Variants in PRDM4 observed in about 807,000 individuals in gnomAD.
PRDM4 encodes PR/SET domain 4, also known as PR domain zinc finger protein 4.
PRDM4 carries 38 observed loss-of-function variants against 62.3 expected under a neutral mutation model. That is an observed-to-expected ratio of 0.61 (90% CI 0.47 to 0.80). The LOEUF is 0.80. PRDM4 is among the 30% of genes least tolerant of loss of function. The pLI, the probability that PRDM4 is intolerant of heterozygous loss-of-function variation, is 0.00. For missense variants in PRDM4, 858 were observed against 997.1 expected (o/e 0.86, Z 1.88); for synonymous variants, 339 against 348.2 (o/e 0.97, Z 0.30).
chr12:107,745,219 C>T (rs890337569), intron 6 of PRDM4, among the ~76,000 whole-genome samples: 1 of 152,040 alleles, frequency 6.6e-6, no homozygotes, highest in African/African-American at 2.4e-5. Context: ...ATTCCTGAAC[C>T]TAGTTTTATC....
In PRDM4 at chr12:107,737,461, A is replaced by C. The variant is rs187735713; in HGVS notation, c.2093+1922T>G. 2.0e-5 allele frequency among the ~76,000 whole-genome samples: 3 copies of C among 152,300 alleles called. No individual in the cohort carries two copies. The East Asian group carries it at 5.8e-4, about 29-fold the overall frequency. On this transcript the variant is annotated intron_variant, in intron 11 of 11. Coordinates refer to ENST00000228437, the MANE Select transcript of PRDM4 (RefSeq NM_012406.4). The stretch of plus-strand genomic sequence containing the variant: ...TCTTTCTATCCCATGAAAGTTTGGC[A>C]AAGAGGCTTACCATATCTTCTCACC...
chr12:107,760,884 TTAGCCCGCCCGCGGCCCGCAGGC>T (rs1891225558), intron 1 of PRDM4, 50 bp downstream of exon 1: 1 of 148,404 alleles, frequency 6.7e-6, no homozygotes, highest in Non-Finnish European at 1.5e-5. Context: ...GGGCTGTGGA[TTAGCCCGCCCGCGGCCCGCAGGC>T]CGGGCCGCCG....
chr12:107,743,064 G>T, intron 8 of PRDM4, 133 bp downstream of exon 8: 2 of 702,778 alleles, frequency 2.8e-6, no homozygotes, highest in Non-Finnish European at 2.4e-6. Context: ...ACCATGCCTG[G>T]CTGCCTTGGG....
rs769216790 is a variant in PRDM4 at position 107,746,312 on chromosome 12, C to A, written c.1239G>T (p.Gln413His). The change falls in exon 6 of 12, where the codon CAG becomes CAT. Residue 413 changes from glutamine to histidine, a missense_variant. Transcript: ENST00000228437. ...ESRARLSLPKQLVLRQSIVGA... is the reference protein window; with the variant it reads ...ESRARLSLPKHLVLRQSIVGA... ...CCACAATTGACTGACGGAGAACAAG[C>A]TGCTTTGGGAGAGAAAGCCTTGCTC... is the stretch of plus-strand genomic sequence containing the variant. 8.1e-6 allele frequency: 13 copies of A among 1,613,846 alleles called. No homozygotes were observed. The highest frequency in any genetic ancestry group is 1.1e-5 in the Non-Finnish European group (13 of 1,179,998).
rs764525950 is a variant in PRDM4, at chr12:107,760,565, A to G, written c.-50T>C. ...AAGGAGCGCTCGGGTGGTGGGGAAC[A>G]GGCATCAGGGTTTGCGTTCCAGGGT... On this transcript the variant is annotated 5_prime_UTR_variant, in exon 2 of 12. Coordinates refer to ENST00000228437, the MANE Select transcript of PRDM4 (RefSeq NM_012406.4). The G allele has an allele frequency of 4.3e-6, 7 of 1,610,114 alleles. No individual in the cohort carries two copies. Among genetic ancestry groups the G allele is most frequent in the Non-Finnish European group, 5.9e-6 (7 of 1,177,986 alleles).
chr12:107,739,422 C>T lies in PRDM4; in HGVS notation c.2054G>A (p.Arg685Gln), dbSNP rs369987313. The part of the protein sequence containing the change: ...KCDYCDKLFM[R>Q]RQDLKQHVLI... ...CACGTGCTGCTTGAGGTCCTGCCTC[C>T]GCATAAACAACTTGTCACAGTAATC... The change falls in exon 11 of 12, where the codon CGG becomes CAG. Residue 685 changes from arginine (R) to glutamine (Q), a missense_variant. Arg to Gln is a conservative substitution (Grantham distance 43). Coordinates refer to ENST00000228437, the MANE Select transcript of PRDM4 (RefSeq NM_012406.4). 9 of 1,613,714 alleles carry T rather than the reference C, an allele frequency of 5.6e-6. No individual in the cohort carries two copies. The highest frequency in any genetic ancestry group is 5.9e-6 in the Non-Finnish European group (7 of 1,179,804).
chr12:107,754,392 G>A (rs180994978), intron 3 of PRDM4, among the ~76,000 whole-genome samples: 7 of 152,042 alleles, frequency 4.6e-5, no homozygotes, highest in Non-Finnish European at 1.0e-4. Context: ...TTAATTTATC[G>A]ATTGATTTGA....
intron 8 of PRDM4, among the ~76,000 whole-genome samples, chr12:107,742,745 T>C (rs1388305239): frequency 1.3e-5 from 2 of 149,840 alleles, no homozygotes; most frequent in East Asian, 2.0e-4. Context: ...GGTAACTATA[T>C]TGTTCCTTGG....
At chr12:107,756,689 A>G in intron 3 of PRDM4, 143 bp downstream of exon 3, 2 of 959,146 alleles carry the variant, frequency 2.1e-6, no homozygotes, top group Admixed American at 3.0e-5. Flanking sequence ...ATTACCTATC[A>G]CATGTTGAAC....
chr12:107,741,130 A>G lies in PRDM4; in HGVS notation c.1740T>C (p.His580=). The G allele has an allele frequency of 6.2e-7, 1 of 1,614,168 alleles. No individual in the cohort carries two copies. Among genetic ancestry groups the G allele is most frequent in the Non-Finnish European group, 8.5e-7 (1 of 1,180,032 alleles). ...TCCTTTCTTTGCTGTGACTTGGCCC[A>G]TGGCTGCCGCTATGTCCCTGGGTAG... is the stretch of plus-strand genomic sequence containing the variant. The part of the protein sequence containing the change: ...HLPTQGHSGS[H]GPSHSKERKW... Residue 580 remains histidine, a synonymous_variant, in exon 10 of 12, where the codon CAT becomes CAC. Coordinates refer to ENST00000228437, the MANE Select transcript of PRDM4 (RefSeq NM_012406.4).
chr12:107,753,198 C>A (rs1401188705), intron 4 of PRDM4, among the ~76,000 whole-genome samples: 2 of 151,946 alleles, frequency 1.3e-5, no homozygotes, highest in Non-Finnish European at 2.9e-5. Flanking sequence ...ATGCCAAAAC[C>A]CCATCTCTTT....
intron 2 of PRDM4, chr12:107,758,283 T>C (rs1891127747): frequency 7.3e-6 from 1 of 137,402 alleles, no homozygotes; most frequent in African/African-American, 2.7e-5. Flanking sequence ...AGGGTCTTGC[T>C]CAGTAGCTGC....
chr12:107,754,863 G>A (rs1185974083), intron 3 of PRDM4: 1 of 152,094 alleles, frequency 6.6e-6, no homozygotes, highest in East Asian at 1.9e-4. Flanking sequence ...ATTTCTACCT[G>A]GAAAACAACG....
intron 5 of PRDM4, among the ~76,000 whole-genome samples, chr12:107,749,238 C>T (rs1398455251): frequency 6.6e-6 from 1 of 152,096 alleles, no homozygotes; most frequent in Non-Finnish European, 1.5e-5. Context: ...CAGGTCCACA[C>T]ACAACTTTTC....
intron 11 of PRDM4, among the ~76,000 whole-genome samples, chr12:107,735,098 T>C (rs1890286384): frequency 2.0e-5 from 3 of 152,282 alleles, no homozygotes; most frequent in South Asian, 4.1e-4. Flanking sequence ...ACTCCTGGGC[T>C]CAAGTGATCT....
At chr12:107,750,429 A>G (rs1890851990) in intron 5 of PRDM4, among the ~76,000 whole-genome samples, 1 of 152,166 alleles carries the variant, frequency 6.6e-6, no homozygotes, top group South Asian at 2.1e-4. Context: ...TTGGGGTCCC[A>G]GTTGCTCGGG....
At chr12:107,752,642 T>C (rs1890932083) in intron 4 of PRDM4, among the ~76,000 whole-genome samples, 1 of 152,112 alleles carries the variant, frequency 6.6e-6, no homozygotes, top group Non-Finnish European at 1.5e-5. Flanking sequence ...CAAGTCACAA[T>C]TGTACCTGTT....
At chr12:107,759,353 C>A (rs1891156712) in intron 2 of PRDM4, among the ~76,000 whole-genome samples, 1 of 152,172 alleles carries the variant, frequency 6.6e-6, no homozygotes, top group Admixed American at 6.5e-5. Context: ...ACAGACTTTT[C>A]CCTAACTCTT....
chr12:107,746,497 T>G (rs538950730), intron 5 of PRDM4, 73 bp from the exon 6 acceptor site: 1 of 1,387,802 alleles, frequency 7.2e-7, no homozygotes, highest in Admixed American at 2.6e-5. Context: ...CGGTTTTTTT[T>G]TTTTTTGAGA....
Sources: gnomAD v4.1 joint callset for allele counts (sites outside exome capture counted in the v4.1 genomes callset) on GRCh38, gnomAD v4.1.1 for gene constraint, MANE v1.5 for transcripts, NCBI Gene and HGNC (gene_info 2026-07-23, HGNC 2026-07-21) for gene names.